NOS1AP: variants seen among roughly 807,000 people sequenced by gnomAD.
NOS1AP encodes the protein nitric oxide synthase 1 adaptor protein, also known as carboxyl-terminal PDZ ligand of neuronal nitric oxide synthase protein.
A neutral mutation model predicts 56.2 loss-of-function variants in NOS1AP; 21 were observed. The observed-to-expected ratio is 0.37, with a 90% CI of 0.26 to 0.54. The LOEUF is 0.54. NOS1AP is among the 20% of genes least tolerant of loss of function. The pLI is 0.84. For synonymous variants in NOS1AP, 270 were observed against 274.6 expected, an observed-to-expected ratio of 0.98 and a Z score of 0.17; for missense variants, 522 against 657.8, an observed-to-expected ratio of 0.79 and a Z score of 2.26.
intron 6 of NOS1AP, among the ~76,000 whole-genome samples, chr1:162,352,061 C>G (rs1006841983): frequency 6.0e-5 from 7 of 115,958 alleles, no homozygotes; most frequent in African/African-American, 2.0e-4. Context: ...CTTCTTCGTC[C>G]TCTTTTTTTT....
In NOS1AP at chr1:162,209,309, A is replaced by G. The variant is rs751365276; in HGVS notation, c.177+54833A>G. ...ATGTAAGGTTGTACCAGGCAACCAA[A>G]AGCCAAACGTCCAAGCCTTTAAGTT... On this transcript the variant is annotated intron_variant, in intron 2 of 9. Coordinates refer to ENST00000361897, the MANE Select transcript of NOS1AP (RefSeq NM_014697.3). 3.9e-5 allele frequency among the ~76,000 whole-genome samples: 6 copies of G among 152,216 alleles called. No individual in the cohort carries two copies. In the South Asian group the frequency reaches 1.2e-3, roughly 32 times the overall value.
chr1:162,255,994 A>T (rs1176396678), intron 2 of NOS1AP, among the ~76,000 whole-genome samples: 1 of 152,100 alleles, frequency 6.6e-6, no homozygotes, highest in African/African-American at 2.4e-5. Flanking sequence ...AAATAGAAAA[A>T]TTAGCCAGGT....
intron 2 of NOS1AP, among the ~76,000 whole-genome samples, chr1:162,198,149 T>C (rs1651870605): frequency 6.6e-6 from 1 of 152,068 alleles, no homozygotes; most frequent in Admixed American, 6.5e-5. Context: ...GAGAGTGGGC[T>C]GGTGTGATGC....
chr1:162,134,490 A>T (rs1270266615), intron 1 of NOS1AP, among the ~76,000 whole-genome samples: 4 of 114,312 alleles, frequency 3.5e-5, no homozygotes, highest in African/African-American at 1.7e-4. Flanking sequence ...TTGTCTAAAA[A>T]AAAAAAAAAA....
chr1:162,206,979 T>TA (rs1477310620), intron 2 of NOS1AP, among the ~76,000 whole-genome samples: 1 of 152,256 alleles, frequency 6.6e-6, no homozygotes, highest in Admixed American at 6.5e-5. Context: ...CTGCTGCAGA[T>TA]ACGTGCCTTG....
chr1:162,193,877 TC>T (rs899315448), intron 2 of NOS1AP, among the ~76,000 whole-genome samples: 4 of 152,040 alleles, frequency 2.6e-5, no homozygotes, highest in African/African-American at 9.7e-5. Flanking sequence ...TCTTTACTTT[TC>T]TTTCTTTCTT....
chr1:162,103,953 C>T (rs11487510), intron 1 of NOS1AP, among the ~76,000 whole-genome samples: 17,607 of 152,122 alleles, frequency 0.12, 2,268 homozygotes, highest in African/African-American at 0.32. Flanking sequence ...GTCATCATGA[C>T]GCTAACTGGT....
At chr1:162,216,305 T>C (rs113947457) in intron 2 of NOS1AP, among the ~76,000 whole-genome samples, 74 of 152,330 alleles carry the variant, frequency 4.9e-4, no homozygotes, top group African/African-American at 1.7e-3. Context: ...ACAGATGCCA[T>C]GAAGGGAAGG....
chr1:162,102,724 G>T (rs1647336076), intron 1 of NOS1AP, among the ~76,000 whole-genome samples: 1 of 152,140 alleles, frequency 6.6e-6, no homozygotes, highest in African/African-American at 2.4e-5. Flanking sequence ...TATTTGCATA[G>T]AAGTGTTTAT....
chr1:162,216,951 G>A (rs1042274854), intron 2 of NOS1AP, among the ~76,000 whole-genome samples: 1 of 152,202 alleles, frequency 6.6e-6, no homozygotes, highest in African/African-American at 2.4e-5. Context: ...GGTGGGCTCA[G>A]CACATTTGCA....
intron 1 of NOS1AP, among the ~76,000 whole-genome samples, chr1:162,115,806 G>A (rs2102045423): frequency 6.6e-6 from 1 of 152,270 alleles, no homozygotes; most frequent in Admixed American, 6.5e-5. Flanking sequence ...TTTATCCCGG[G>A]TGAGGTCAGT....
At chr1:162,158,472 T>C (rs1402577894) in intron 2 of NOS1AP, among the ~76,000 whole-genome samples, 1 of 152,238 alleles carries the variant, frequency 6.6e-6, no homozygotes, top group Non-Finnish European at 1.5e-5. Flanking sequence ...AAATATCTTT[T>C]TGAGATCTTG....
At chr1:162,332,728 A>G (rs1472169059) in intron 4 of NOS1AP, among the ~76,000 whole-genome samples, 2 of 152,316 alleles carry the variant, frequency 1.3e-5, no homozygotes, top group African/African-American at 2.4e-5. Context: ...TCTAACATAC[A>G]AGTTACAGGG....
At chr1:162,252,385 T>G (rs1034328183) in intron 2 of NOS1AP, among the ~76,000 whole-genome samples, 1 of 151,920 alleles carries the variant, frequency 6.6e-6, no homozygotes, top group African/African-American at 2.4e-5. Flanking sequence ...GGATGATTGG[T>G]GGAAGGAAAG....
At position 162,329,383 on chromosome 1, in the gene NOS1AP, G is replaced by GAGAA. The variant is rs1553206461; in HGVS notation, c.345-3633_345-3632insGAAA. Among the ~76,000 whole-genome samples the GAGAA allele has an allele frequency of 4.7e-5, 7 of 147,608 alleles. No individual in the cohort carries two copies. The South Asian group carries it at 1.5e-3, about 32-fold the overall frequency. On this transcript the variant is annotated intron_variant, in intron 4 of 9. Transcript: ENST00000361897. ...AAAAAGAGAGAGAGAGAGAGAGAGA[G>GAGAA]AAAAGAAATTTAAAGGAGAAGAAAT...
intron 2 of NOS1AP, among the ~76,000 whole-genome samples, chr1:162,217,628 T>G (rs1652627107): frequency 6.6e-6 from 1 of 152,200 alleles, no homozygotes; most frequent in African/African-American, 2.4e-5. Flanking sequence ...CCAATTATCA[T>G]GGGTGCCAGC....
intron 2 of NOS1AP, among the ~76,000 whole-genome samples, chr1:162,253,187 T>C (rs1653922784): frequency 6.6e-6 from 1 of 152,188 alleles, no homozygotes; most frequent in South Asian, 2.1e-4. Flanking sequence ...CCTCTTGTTC[T>C]CTTTCTCTCT....
At chr1:162,133,156 A>G (rs915442227) in intron 1 of NOS1AP, among the ~76,000 whole-genome samples, 2 of 152,228 alleles carry the variant, frequency 1.3e-5, no homozygotes, top group Non-Finnish European at 1.5e-5. Context: ...TGTGCTTATT[A>G]TATTAGTACG....
intron 1 of NOS1AP, among the ~76,000 whole-genome samples, chr1:162,150,111 C>T (rs1174456256): frequency 6.6e-6 from 1 of 152,056 alleles, no homozygotes; most frequent in Admixed American, 6.5e-5. Flanking sequence ...TACTCATTAA[C>T]CATCCTTCCC....
Sources: allele counts gnomAD v4.1 joint callset (sites outside exome capture counted in the v4.1 genomes callset), GRCh38; gene constraint gnomAD v4.1.1; transcripts MANE v1.5; gene names NCBI Gene and HGNC (gene_info 2026-07-23, HGNC 2026-07-21).